Variants in CEACAM21 observed in about 807,000 individuals in gnomAD.
CEACAM21 encodes cell adhesion molecule CEACAM21.
A neutral mutation model predicts 33.2 loss-of-function variants in CEACAM21; 38 were observed. The ratio of observed to expected loss-of-function variants is 1.14; its 90% CI spans 0.88 to 1.50. The LOEUF (loss-of-function observed/expected upper bound fraction) is 1.50, where lower values mean the gene tolerates loss of function less well. Ranked by LOEUF, CEACAM21 falls within the 40% of genes most tolerant of loss-of-function variation. The pLI is 0.00. For synonymous variants in CEACAM21, 156 were observed against 143.0 expected (o/e 1.09, Z -0.65); for missense variants, 385 against 364.6 (o/e 1.06, Z -0.46).
chr19:41,585,551 G>A, intron 5 of CEACAM21, 56 bp downstream of exon 5: 1 of 1,575,754 alleles, frequency 6.3e-7, no homozygotes, highest in East Asian at 2.2e-5. Context: ...GCCCCAAGTT[G>A]TCCACTCCTG....
At chr19:41,583,141 C>A (rs1290410596) in intron 3 of CEACAM21, among the ~76,000 whole-genome samples, 1 of 152,146 alleles carries the variant, frequency 6.6e-6, no homozygotes, top group Non-Finnish European at 1.5e-5. Flanking sequence ...TGCCCTAAAT[C>A]ATTTCCCTCA....
At chr19:41,559,992 AAAAACAAAACAAAAC>A (rs142541290) in intron 1 of CEACAM21, among the ~76,000 whole-genome samples, 2 of 152,056 alleles carry the variant, frequency 1.3e-5, no homozygotes, top group East Asian at 3.9e-4. Context: ...ACTTCCTCTC[AAAAACAAAACAAAAC>A]AAAACAAAAC....
At chr19:41,582,460 A>C (rs1159513388) in intron 3 of CEACAM21, among the ~76,000 whole-genome samples, 6 of 152,162 alleles carry the variant, frequency 3.9e-5, no homozygotes, top group African/African-American at 1.4e-4. Context: ...CGGGGTTCCA[A>C]CCCCACATTT....
At chr19:41,552,514 C>CTTT (rs2041273959) in intron 1 of CEACAM21, among the ~76,000 whole-genome samples, 1 of 152,218 alleles carries the variant, frequency 6.6e-6, no homozygotes, top group South Asian at 2.1e-4. Context: ...TGATACTGAA[C>CTTT]TTAACCACTC....
At chr19:41,556,465 A>AT (rs2041532414) in intron 1 of CEACAM21, among the ~76,000 whole-genome samples, 1 of 152,250 alleles carries the variant, frequency 6.6e-6, no homozygotes, top group Admixed American at 6.5e-5. Context: ...ATATAATTAA[A>AT]TATTAGCTTT....
chr19:41,579,758 A>C, intron 3 of CEACAM21, 130 bp downstream of exon 3: 1 of 685,058 alleles, frequency 1.5e-6, no homozygotes, highest in Non-Finnish European at 2.4e-6. Context: ...GTGGGTAAGA[A>C]CTCAGGGATT....
At chr19:41,574,845 C>T (rs1555790470), upstream of CEACAM21, among the ~76,000 whole-genome samples, 2 of 152,062 alleles carry the variant, frequency 1.3e-5, no homozygotes, top group Admixed American at 6.6e-5. Flanking sequence ...TATATGTACC[C>T]CCAAAGAAAT....
rs1225359954 is a variant in CEACAM21 at position 41,559,898 on chromosome 19, C to A, written c.-778-4784C>A. 2.0e-5 allele frequency among the ~76,000 whole-genome samples: 3 copies of A among 152,138 alleles called. No individual in the cohort carries two copies. The South Asian group carries it at 6.2e-4, about 32-fold the overall frequency. ...CTGAGGCGGGAGGATCTATTGAGAT[C>A]GGAAGTTAGAGGCTGTAGTGAGCCA... On this transcript the variant is annotated intron_variant, in intron 1 of 7. Transcript: ENST00000407170.
intron 1 of CEACAM21, chr19:41,551,414 T>A (rs1555784199): frequency 6.6e-6 from 1 of 152,250 alleles, no homozygotes; most frequent in Non-Finnish European, 1.5e-5. Context: ...CTCCTGGGCC[T>A]CCCAAAGTGC....
intron 6 of CEACAM21, 149 bp downstream of exon 6, chr19:41,586,020 T>A (rs537650243): frequency 1.1e-5 from 9 of 800,254 alleles, no homozygotes; most frequent in African/African-American, 1.0e-4. Flanking sequence ...GCTGGGCCTC[T>A]GTTCAGGGCC....
intron 1 of CEACAM21, chr19:41,550,609 A>T (rs1411930614): frequency 1.3e-5 from 2 of 152,186 alleles, no homozygotes; most frequent in Non-Finnish European, 2.9e-5. Context: ...CATCTCTAGT[A>T]AAAATACGAA....
chr19:41,556,657 T>G (rs1056818565), intron 1 of CEACAM21, among the ~76,000 whole-genome samples: 1 of 152,146 alleles, frequency 6.6e-6, no homozygotes, highest in Non-Finnish European at 1.5e-5. Context: ...ACGCAAACAT[T>G]AAACCAAAGG....
chr19:41,553,236 C>G (rs2041331691), intron 1 of CEACAM21, among the ~76,000 whole-genome samples: 1 of 151,904 alleles, frequency 6.6e-6, no homozygotes, highest in African/African-American at 2.4e-5. Flanking sequence ...CCTTGAGTAG[C>G]TGGGATTACA....
intron 3 of CEACAM21, 62 bp downstream of exon 3, chr19:41,579,690 G>A (rs1469896762): frequency 3.4e-6 from 4 of 1,183,454 alleles, no homozygotes; most frequent in African/African-American, 3.1e-5. Flanking sequence ...GGGAGGGGGG[G>A]TGTAAAATGA....
At position 41,577,372 on chromosome 19, in the gene CEACAM21, C is replaced by A; in HGVS notation, c.237C>A (p.Ile79=). The A allele has an allele frequency of 6.2e-7, 1 of 1,613,132 alleles. No homozygotes were observed. Among genetic ancestry groups the A allele is most frequent in the African/African-American group, 1.3e-5 (1 of 74,874 alleles). Residue 79 remains isoleucine, a synonymous_variant, in exon 2 of 7, where the codon ATC becomes ATA. Transcript: ENST00000401445. Reference sequence around the variant, plus strand: ...AAACGGTGGAGCCCAACCAGCTAATCGCAGCATATGTAATAGACACTCACG... The same window carrying A: ...AAACGGTGGAGCCCAACCAGCTAATAGCAGCATATGTAATAGACACTCACG... ...KGKTVEPNQL[I]AAYVIDTHVR... is the part of the protein sequence containing the mutation.
chr19:41,584,127 A>C (rs1340865267), intron 3 of CEACAM21, among the ~76,000 whole-genome samples: 1 of 152,130 alleles, frequency 6.6e-6, no homozygotes, highest in African/African-American at 2.4e-5. Context: ...TTCCTGTGGG[A>C]GAATGTAGGA....
upstream of CEACAM21, among the ~76,000 whole-genome samples, chr19:41,575,053 A>T (rs563185527): frequency 7.9e-5 from 12 of 152,364 alleles, no homozygotes; most frequent in African/African-American, 2.6e-4. Context: ...GATGAATCTT[A>T]AAAGTGTTAC....
intron 1 of CEACAM21, among the ~76,000 whole-genome samples, chr19:41,553,935 T>C (rs1281799568): frequency 8.3e-6 from 1 of 120,148 alleles, no homozygotes; most frequent in Non-Finnish European, 2.0e-5. Context: ...TACCCACAAA[T>C]AGTTTCCAAA....
intron 2 of CEACAM21, among the ~76,000 whole-genome samples, chr19:41,570,417 T>C (rs532328089): frequency 1.3e-5 from 2 of 152,280 alleles, no homozygotes; most frequent in South Asian, 2.1e-4. Flanking sequence ...CCTCTCTTCA[T>C]GTCCACCTTC....
Sources: allele counts gnomAD v4.1 joint callset (sites outside exome capture counted in the v4.1 genomes callset), GRCh38; gene constraint gnomAD v4.1.1; transcripts MANE v1.5; gene names NCBI Gene and HGNC (gene_info 2026-07-23, HGNC 2026-07-21).